Variants in GPHN observed in about 807,000 individuals in gnomAD.
GPHN encodes the protein gephyrin.
In GPHN, 17 loss-of-function variants were observed where a neutral mutation model predicts 95.5. That is an observed-to-expected ratio of 0.18 (90% CI 0.12 to 0.27). The LOEUF is 0.27. GPHN is among the 10% of genes least tolerant of loss of function. The pLI is 1.00. For synonymous variants in GPHN, 320 were observed against 322.5 expected, an observed-to-expected ratio of 0.99 and a Z score of 0.08; for missense variants, 660 against 978.1, an observed-to-expected ratio of 0.67 and a Z score of 4.34.
chr14:66,687,893 C>T (rs2067501798), intron 2 of GPHN, among the ~76,000 whole-genome samples: 1 of 152,078 alleles, frequency 6.6e-6, no homozygotes, highest in South Asian at 2.1e-4. Flanking sequence ...AGAGATCTTT[C>T]ACCCACTTGG....
the GPHN span, among the ~76,000 whole-genome samples, chr14:67,436,840 G>A: frequency 1.3e-5 from 2 of 152,170 alleles, no homozygotes; most frequent in African/African-American, 2.4e-5. Flanking sequence ...AGGATCACAT[G>A]AGCCCAGGAA....
At chr14:67,187,904 C>T in the GPHN span, among the ~76,000 whole-genome samples, 1 of 152,176 alleles carries the variant, frequency 6.6e-6, no homozygotes, top group Non-Finnish European at 1.5e-5. Context: ...CACTACATAA[C>T]ACTGAAATAA....
At chr14:66,773,900 A>G (rs1368327309) in intron 2 of GPHN, among the ~76,000 whole-genome samples, 2 of 151,922 alleles carry the variant, frequency 1.3e-5, no homozygotes, top group East Asian at 1.9e-4. Flanking sequence ...ATTGTCAAAC[A>G]TAGAGTATTT....
chr14:67,627,256 G>GATT, the GPHN span, among the ~76,000 whole-genome samples: 1 of 133,750 alleles, frequency 7.5e-6, no homozygotes, highest in Non-Finnish European at 1.6e-5. Flanking sequence ...TCAGTAAGGA[G>GATT]ATATATATAT....
chr14:66,819,301 C>T (rs895287287), intron 3 of GPHN, among the ~76,000 whole-genome samples: 6 of 152,160 alleles, frequency 3.9e-5, no homozygotes, highest in African/African-American at 1.4e-4. Context: ...CAATTTTCTG[C>T]ATATGGCTAG....
intron 9 of GPHN, among the ~76,000 whole-genome samples, chr14:67,017,092 T>A (rs1408448476): frequency 2.0e-5 from 3 of 152,066 alleles, no homozygotes; most frequent in Non-Finnish European, 2.9e-5. Flanking sequence ...CCAAAGGACA[T>A]CCTCTTTATC....
At chr14:66,946,540 G>A (rs941032832) in intron 8 of GPHN, among the ~76,000 whole-genome samples, 2 of 151,952 alleles carry the variant, frequency 1.3e-5, no homozygotes, top group Admixed American at 6.6e-5. Context: ...TGAGTAGCTG[G>A]GATTACAAGC....
chr14:66,768,182 G>A (rs904521856), intron 2 of GPHN, among the ~76,000 whole-genome samples: 1 of 151,842 alleles, frequency 6.6e-6, no homozygotes. Context: ...AGTATACAGA[G>A]TTGGTATATA....
intron 1 of GPHN, among the ~76,000 whole-genome samples, chr14:66,547,176 T>G (rs1309135634): frequency 6.6e-5 from 10 of 152,172 alleles, no homozygotes. Flanking sequence ...AAAAGAAATC[T>G]TAGCTTTTTG....
At chr14:66,519,995 A>G (rs2058410515) in intron 1 of GPHN, among the ~76,000 whole-genome samples, 1 of 152,114 alleles carries the variant, frequency 6.6e-6, no homozygotes, top group Non-Finnish European at 1.5e-5. Context: ...GCTCTTAACT[A>G]CTACATGATA....
intron 17 of GPHN, among the ~76,000 whole-genome samples, chr14:67,128,382 G>A (rs1014019130): frequency 5.9e-5 from 9 of 151,572 alleles, no homozygotes; most frequent in African/African-American, 2.2e-4. Context: ...TCAGCCTCCC[G>A]AGTAGCTGAG....
At chr14:67,577,439 C>A in the GPHN span, 1 of 1,392,562 alleles carries the variant, frequency 7.2e-7, no homozygotes, top group Non-Finnish European at 1.0e-6. Context: ...CGGCCAGGCC[C>A]ACCGCTGGGA....
the GPHN span, among the ~76,000 whole-genome samples, chr14:67,251,995 G>A: frequency 2.0e-5 from 3 of 152,072 alleles, no homozygotes; most frequent in Non-Finnish European, 4.4e-5. Flanking sequence ...CTGGGTTGGC[G>A]AATATTTCAA....
chr14:66,526,893 A>AT (rs1233069164), intron 1 of GPHN, among the ~76,000 whole-genome samples: 1 of 151,892 alleles, frequency 6.6e-6, no homozygotes, highest in Non-Finnish European at 1.5e-5. Flanking sequence ...TTTATCGAGG[A>AT]TTTTTGCACT....
the GPHN span, among the ~76,000 whole-genome samples, chr14:67,646,005 CAAG>C: frequency 3.3e-5 from 5 of 152,098 alleles, no homozygotes; most frequent in Admixed American, 6.5e-5. Context: ...TGTAAGAAAG[CAAG>C]GAGGGGGTAG....
chr14:67,490,381 A>G, the GPHN span, among the ~76,000 whole-genome samples: 2 of 152,216 alleles, frequency 1.3e-5, no homozygotes, highest in Admixed American at 6.5e-5. Flanking sequence ...ACATCACGCA[A>G]GGAAGACTGG....
the GPHN span, chr14:67,720,955 C>T: frequency 6.6e-6 from 1 of 152,152 alleles, no homozygotes; most frequent in Non-Finnish European, 1.5e-5. Flanking sequence ...CAAGAAGTGT[C>T]TGCTGGGAAT....
intron 5 of GPHN, among the ~76,000 whole-genome samples, chr14:66,910,812 T>C (rs139532651): frequency 2.0e-5 from 3 of 152,144 alleles, no homozygotes; most frequent in African/African-American, 7.2e-5. Context: ...AAAATGCTAG[T>C]TATGGCAACT....
chr14:67,461,354 G>C, the GPHN span, among the ~76,000 whole-genome samples: 4 of 152,178 alleles, frequency 2.6e-5, no homozygotes, highest in South Asian at 8.3e-4. Flanking sequence ...TCAAACTCCA[G>C]TCTAATGACT....
Sources: gnomAD v4.1 joint callset for allele counts (sites outside exome capture counted in the v4.1 genomes callset) on GRCh38, gnomAD v4.1.1 for gene constraint, MANE v1.5 for transcripts, NCBI Gene and HGNC (gene_info 2026-07-23, HGNC 2026-07-21) for gene names.